The following DTNB variants were observed in gnomAD, a reference collection of about 807,000 sequenced individuals.
The protein encoded by DTNB is DTN-B.
In DTNB, 63 loss-of-function variants were observed where a neutral mutation model predicts 90.7. The ratio of observed to expected loss-of-function variants is 0.69; its 90% CI spans 0.57 to 0.86. The LOEUF is 0.86. DTNB is among the 40% of genes least tolerant of loss of function. DTNB has a pLI of 0.00. For missense variants in DTNB, 744 were observed against 807.1 expected (o/e 0.92, Z 0.95); for synonymous variants, 277 against 286.7 (o/e 0.97, Z 0.34).
intron 8 of DTNB, among the ~76,000 whole-genome samples, chr2:25,568,661 G>A (rs1432351285): frequency 6.6e-6 from 1 of 152,192 alleles, no homozygotes; most frequent in Non-Finnish European, 1.5e-5. Context: ...CCACTTATGT[G>A]GGAACCCTTG....
intron 4 of DTNB, among the ~76,000 whole-genome samples, chr2:25,626,365 G>T (rs1199029026): frequency 6.6e-6 from 1 of 152,182 alleles, no homozygotes; most frequent in African/African-American, 2.4e-5. Flanking sequence ...CAAAAAGACA[G>T]TTCCTGAGCA....
intron 2 of DTNB, among the ~76,000 whole-genome samples, chr2:25,651,375 A>T (rs2080902621): frequency 6.6e-6 from 1 of 152,204 alleles, no homozygotes; most frequent in African/African-American, 2.4e-5. Flanking sequence ...GCAAAGCTGG[A>T]CTCAAAGCTG....
At chr2:25,615,366 C>T (rs748876200) in intron 4 of DTNB, among the ~76,000 whole-genome samples, 7 of 152,068 alleles carry the variant, frequency 4.6e-5, no homozygotes, top group Non-Finnish European at 8.8e-5. Context: ...TGGTGATCTG[C>T]CTTCAGCCCC....
chr2:25,548,678 C>T (rs140062249), intron 8 of DTNB, among the ~76,000 whole-genome samples: 126 of 152,206 alleles, frequency 8.3e-4, no homozygotes, highest in African/African-American at 2.7e-3. Context: ...GTAAGGGGGT[C>T]AGGTGGGCTA....
intron 12 of DTNB, among the ~76,000 whole-genome samples, chr2:25,435,077 C>T (rs983661376): frequency 2.0e-5 from 3 of 152,096 alleles, no homozygotes; most frequent in Non-Finnish European, 4.4e-5. Flanking sequence ...TGGACTGCAA[C>T]GGCATGATCT....
intron 10 of DTNB, among the ~76,000 whole-genome samples, chr2:25,472,222 C>A (rs777544526): frequency 5.3e-5 from 8 of 152,148 alleles, no homozygotes; most frequent in African/African-American, 1.7e-4. Context: ...CCAGACGCTG[C>A]GGCTCACAGA....
At chr2:25,518,208 T>A (rs1333547409) in intron 9 of DTNB, among the ~76,000 whole-genome samples, 2 of 133,360 alleles carry the variant, frequency 1.5e-5, no homozygotes, top group East Asian at 5.3e-4. Context: ...ATTATTTTTT[T>A]ATCCACAATA....
At chr2:25,469,028 T>G (rs1452161900) in intron 10 of DTNB, among the ~76,000 whole-genome samples, 1 of 152,192 alleles carries the variant, frequency 6.6e-6, no homozygotes, top group Non-Finnish European at 1.5e-5. Flanking sequence ...GTACTGGAAC[T>G]ACGGTGATAA....
chr2:25,388,182 A>T lies in DTNB; in HGVS notation c.1735+20T>A, dbSNP rs377544403. 2.4e-5 allele frequency: 38 copies of T among 1,553,716 alleles called. No homozygotes were observed. In the African/African-American group the frequency reaches 4.8e-4, roughly 20 times the overall value. On this transcript the variant is annotated intron_variant, in intron 17 of 20. Coordinates refer to ENST00000406818, the MANE Select transcript of DTNB (RefSeq NM_021907.5). ...GCACATCCCTTCAGCTCCCCGCTGA[A>T]CTCTGCTCCAGAAACTCACCTTGTG...
At chr2:25,640,723 T>C (rs925006519) in intron 2 of DTNB, among the ~76,000 whole-genome samples, 23 of 151,890 alleles carry the variant, frequency 1.5e-4, no homozygotes, top group African/African-American at 5.6e-4. Context: ...CAGCCTTTTT[T>C]TGGCCAGGCG....
intron 18 of DTNB, chr2:25,386,151 A>G: frequency 2.0e-6 from 2 of 978,862 alleles, no homozygotes; most frequent in Non-Finnish European, 2.4e-6. Context: ...CAAGAGAGGC[A>G]GCGTCTGACC....
intron 9 of DTNB, among the ~76,000 whole-genome samples, chr2:25,488,368 A>G (rs190923287): frequency 1.3e-5 from 2 of 152,334 alleles, no homozygotes; most frequent in Admixed American, 1.3e-4. Context: ...TAAAATATCC[A>G]AACTAGAAAA....
chr2:25,414,294 G>T (rs1183521602), intron 16 of DTNB, among the ~76,000 whole-genome samples: 1 of 152,054 alleles, frequency 6.6e-6, no homozygotes, highest in Non-Finnish European at 1.5e-5. Context: ...TCGCTCTGTC[G>T]GCTGAAGTGC....
intron 8 of DTNB, among the ~76,000 whole-genome samples, chr2:25,555,415 C>G (rs532900858): frequency 6.6e-6 from 1 of 150,590 alleles, no homozygotes; most frequent in African/African-American, 2.4e-5. Flanking sequence ...CTTGCTAGTT[C>G]AAAAAAGGAT....
chr2:25,616,082 C>A (rs2148603782), intron 4 of DTNB, among the ~76,000 whole-genome samples: 1 of 152,338 alleles, frequency 6.6e-6, no homozygotes, highest in South Asian at 2.1e-4. Flanking sequence ...GTAAATCTTT[C>A]TGGCTCCAAA....
At chr2:25,491,808 C>T (rs2067567056) in intron 9 of DTNB, among the ~76,000 whole-genome samples, 1 of 151,490 alleles carries the variant, frequency 6.6e-6, no homozygotes, top group African/African-American at 2.4e-5. Flanking sequence ...GCTTCCTATA[C>T]GGCAGACTAA....
intron 9 of DTNB, among the ~76,000 whole-genome samples, chr2:25,514,284 T>C (rs2074550359): frequency 6.6e-6 from 1 of 152,120 alleles, no homozygotes; most frequent in Admixed American, 6.5e-5. Flanking sequence ...AAGGAACCAG[T>C]AGTTGCAAAG....
chr2:25,520,696 T>A (rs1169227260), intron 9 of DTNB, among the ~76,000 whole-genome samples: 1 of 152,190 alleles, frequency 6.6e-6, no homozygotes, highest in Non-Finnish European at 1.5e-5. Flanking sequence ...ACTTAAAGCA[T>A]AATTGTCTAA....
At chr2:25,423,827 C>G (rs1464755489) in intron 15 of DTNB, among the ~76,000 whole-genome samples, 2 of 151,856 alleles carry the variant, frequency 1.3e-5, no homozygotes, top group Non-Finnish European at 2.9e-5. Context: ...GCTCAGGTAA[C>G]TTTTGTATTT....
Sources: gnomAD v4.1 joint callset for allele counts (sites outside exome capture counted in the v4.1 genomes callset) on GRCh38, gnomAD v4.1.1 for gene constraint, MANE v1.5 for transcripts, NCBI Gene and HGNC (gene_info 2026-07-23, HGNC 2026-07-21) for gene names.